Variants in FOXP4 observed in about 807,000 individuals in gnomAD.
FOXP4 encodes forkhead box protein P4.
In FOXP4, 25 loss-of-function variants were observed where a neutral mutation model predicts 82.6. That is an observed-to-expected ratio of 0.30 (90% CI 0.22 to 0.42). The LOEUF (loss-of-function observed/expected upper bound fraction) is 0.42, where lower values mean the gene tolerates loss of function less well. FOXP4 is among the 10% of genes least tolerant of loss of function. FOXP4 has a pLI of 1.00. For missense variants in FOXP4, 785 were observed against 900.9 expected (o/e 0.87, Z 1.65); for synonymous variants, 415 against 388.2 (o/e 1.07, Z -0.81).
At chr6:41,579,331 G>A (rs1765669919) in intron 3 of FOXP4, among the ~76,000 whole-genome samples, 1 of 152,096 alleles carries the variant, frequency 6.6e-6, no homozygotes, top group Non-Finnish European at 1.5e-5. Context: ...GATCTAAAAG[G>A]TTCTCATACC....
intron 13 of FOXP4, among the ~76,000 whole-genome samples, chr6:41,592,616 T>G (rs1013058214): frequency 6.6e-6 from 1 of 152,196 alleles, no homozygotes; most frequent in Non-Finnish European, 1.5e-5. Flanking sequence ...CATATTAATC[T>G]TTTGCCTTTA....
intron 2 of FOXP4, among the ~76,000 whole-genome samples, chr6:41,570,936 G>A (rs770365060): frequency 3.3e-5 from 5 of 152,110 alleles, no homozygotes; most frequent in Non-Finnish European, 5.9e-5. Flanking sequence ...TCTTCAGGAC[G>A]AGAACTGCAT....
rs766280720 is a variant in FOXP4 at position 41,587,077 on chromosome 6, C to A, written c.579C>A (p.His193Gln). ...LLQMQQLQQQ[H>Q]LLNLQRQGLV... Reference sequence around the variant, plus strand: ...AAATGCAACAGTTGCAGCAGCAGCACCTGCTCAACCTGCAGAGGCAGGGGC... The same window carrying A: ...AAATGCAACAGTTGCAGCAGCAGCAACTGCTCAACCTGCAGAGGCAGGGGC... The change falls in exon 6 of 17, where the codon CAC becomes CAA. Residue 193 changes from histidine to glutamine, a missense_variant. By Grantham distance (24) the His-to-Gln change is conservative. This residue lies in a region of FOXP4 where 570 missense variants were observed against 634.0 expected (regional missense o/e 0.90). Transcript: ENST00000307972. 2 of 1,609,078 alleles carry A rather than the reference C, an allele frequency of 1.2e-6. No homozygotes were observed. Among genetic ancestry groups the A allele is most frequent in the Admixed American group, 3.3e-5 (2 of 59,930 alleles).
chr6:41,577,455 G>A (rs1765550759), intron 2 of FOXP4, among the ~76,000 whole-genome samples: 1 of 152,134 alleles, frequency 6.6e-6, no homozygotes, highest in Non-Finnish European at 1.5e-5. Flanking sequence ...TTGGAGCCAG[G>A]CTTCCTGGGC....
intron 9 of FOXP4, 87 bp from the exon 10 acceptor site, chr6:41,589,684 C>T (rs1430458630): frequency 1.4e-6 from 2 of 1,405,400 alleles, no homozygotes; most frequent in Non-Finnish European, 2.0e-6. Flanking sequence ...CGGCGGCCTT[C>T]TGAAGAGCCT....
Position 41,558,368 on chromosome 6 carries a change from A to AG in FOXP4, c.-16-7371dup, listed in dbSNP as rs1200187821. 2.0e-5 allele frequency among the ~76,000 whole-genome samples: 3 copies of AG among 151,902 alleles called. No homozygotes were observed. The highest frequency in any genetic ancestry group is 7.3e-5 in the African/African-American group (3 of 41,354). On this transcript the variant is annotated intron_variant, in intron 1 of 16. Coordinates refer to ENST00000307972, the MANE Select transcript of FOXP4 (RefSeq NM_001012426.2). This position sits in a 1 kb window ranked among gnomAD's most constrained non-coding sequence, Gnocchi z 4.0. ...CAAGTGCTGAACCAAGGGCTGGGAG[A>AG]GGGGGGTGGGATCAATTTTTAAACC...
At chr6:41,573,118 GC>G (rs1765289765) in intron 2 of FOXP4, among the ~76,000 whole-genome samples, 1 of 151,950 alleles carries the variant, frequency 6.6e-6, no homozygotes, top group Non-Finnish European at 1.5e-5. Context: ...TCACGTCCCT[GC>G]CCTCCTGCAC....
chr6:41,597,111 T>G, intron 14 of FOXP4, 65 bp from the exon 15 acceptor site: 1 of 1,541,098 alleles, frequency 6.5e-7, no homozygotes, highest in Non-Finnish European at 9.0e-7. Flanking sequence ...TTAGTGAGAG[T>G]AAAGAGATGC....
At chr6:41,555,505 C>G (rs1270015375) in intron 1 of FOXP4, among the ~76,000 whole-genome samples, 1 of 152,208 alleles carries the variant, frequency 6.6e-6, no homozygotes, top group Non-Finnish European at 1.5e-5. Flanking sequence ...TGGCCATACT[C>G]AGTGGTTTGT....
chr6:41,556,302 G>C (rs888369656), intron 1 of FOXP4, among the ~76,000 whole-genome samples: 1 of 151,526 alleles, frequency 6.6e-6, no homozygotes. Context: ...CTATAGGAAA[G>C]CACTCTTGGG....
intron 1 of FOXP4, among the ~76,000 whole-genome samples, chr6:41,559,565 T>C (rs559338114): frequency 6.6e-6 from 1 of 152,246 alleles, no homozygotes; most frequent in Non-Finnish European, 1.5e-5. Flanking sequence ...TCGCCCTTGC[T>C]GAGTCCTTTA....
At chr6:41,596,936 T>C (rs1307225984) in intron 14 of FOXP4, among the ~76,000 whole-genome samples, 1 of 152,124 alleles carries the variant, frequency 6.6e-6, no homozygotes, top group African/African-American at 2.4e-5. Context: ...GACAGGTCCC[T>C]GAACCAAGCC....
At chr6:41,571,271 A>G (rs1765184632) in intron 2 of FOXP4, among the ~76,000 whole-genome samples, 2 of 152,226 alleles carry the variant, frequency 1.3e-5, no homozygotes, top group Admixed American at 6.5e-5. Flanking sequence ...CAGGAGCTGG[A>G]TGAGCCCTGG....
In FOXP4 at chr6:41,588,788, A is replaced by C. The variant is rs572616147; in HGVS notation, c.1065+57A>C. ...GGTGGGCTCCAGCCCCTGCCCACCC[A>C]CAGCACTGACTTGCTAGGTGGGCTC... On this transcript the variant is annotated intron_variant, in intron 9 of 16. Transcript: ENST00000307972. The C allele has an allele frequency of 2.5e-6, 4 of 1,587,550 alleles. No individual in the cohort carries two copies. In the South Asian group the frequency reaches 4.4e-5, roughly 18 times the overall value.
intron 1 of FOXP4, among the ~76,000 whole-genome samples, chr6:41,550,955 C>G (rs1048088119): frequency 1.3e-5 from 2 of 152,200 alleles, no homozygotes; most frequent in African/African-American, 4.8e-5. Context: ...TGGGACCTAT[C>G]ACTGAATGGA....
chr6:41,573,484 G>C (rs939618195), intron 2 of FOXP4, among the ~76,000 whole-genome samples: 3 of 152,130 alleles, frequency 2.0e-5, no homozygotes, highest in South Asian at 2.1e-4. Flanking sequence ...ATGGGGGATG[G>C]GGGGAGGAGA....
intron 2 of FOXP4, among the ~76,000 whole-genome samples, chr6:41,568,096 G>A (rs1471666151): frequency 6.6e-6 from 1 of 152,206 alleles, no homozygotes; most frequent in African/African-American, 2.4e-5. Flanking sequence ...AGGCTTTTGG[G>A]GGAGCTTCAA....
At chr6:41,555,212 GCA>G in intron 1 of FOXP4, among the ~76,000 whole-genome samples, 1 of 152,002 alleles carries the variant, frequency 6.6e-6, no homozygotes, top group Non-Finnish European at 1.5e-5. Context: ...TCGCGCTACT[GCA>G]CTCCAGTCTG....
chr6:41,590,004 C>G lies in FOXP4; in HGVS notation c.1191C>G (p.Thr397=), dbSNP rs748674684. ...GCTCCTCCTCATTCTCCAAGGTGAC[C>G]GTCTCTGCAGCAGACTCATTCCCAG... ...VPGSSSFSKV[T]VSAADSFPDG... is the part of the protein sequence containing the mutation. The change falls in exon 11 of 17, where the codon ACC becomes ACG. Residue 397 remains threonine (T), a synonymous_variant. Coordinates refer to ENST00000307972, the MANE Select transcript of FOXP4 (RefSeq NM_001012426.2). 1.2e-5 allele frequency: 19 copies of G among 1,613,830 alleles called. No individual in the cohort carries two copies. Among genetic ancestry groups the G allele is most frequent in the African/African-American group, 2.7e-5 (2 of 74,896 alleles).
Sources: allele counts gnomAD v4.1 joint callset (sites outside exome capture counted in the v4.1 genomes callset), GRCh38; gene constraint gnomAD v4.1.1; regional missense constraint gnomAD v4.1.1; non-coding constraint Gnocchi (gnomAD v3.1); transcripts MANE v1.5; gene names NCBI Gene and HGNC (gene_info 2026-07-23, HGNC 2026-07-21).